Variants in MAF observed in about 807,000 individuals in gnomAD.
MAF encodes transcription factor Maf.
In MAF, 10 loss-of-function variants were observed where a neutral mutation model predicts 22.0. The ratio of observed to expected loss-of-function variants is 0.45; its 90% CI spans 0.28 to 0.77. The LOEUF is 0.77. Among genes scored for constraint, MAF ranks in the 30% least tolerant of loss-of-function variants. The pLI is 0.12. For missense variants in MAF, 544 were observed against 548.4 expected (o/e 0.99, Z 0.08); for synonymous variants, 337 against 255.8 (o/e 1.32, Z -3.03).
the MAF span, among the ~76,000 whole-genome samples, chr16:79,518,031 A>G: frequency 1.4e-3 from 212 of 152,330 alleles, 1 homozygote; most frequent in African/African-American, 4.9e-3. Flanking sequence ...TTAATCATAT[A>G]TATGAAAATG....
chr16:79,244,845 C>G, the MAF span, among the ~76,000 whole-genome samples: 1 of 152,022 alleles, frequency 6.6e-6, no homozygotes, highest in African/African-American at 2.4e-5. Context: ...AACAAAACAG[C>G]CTGGTACTGG....
At chr16:79,217,729 C>T in the MAF span, among the ~76,000 whole-genome samples, 6 of 152,158 alleles carry the variant, frequency 3.9e-5, no homozygotes, top group Admixed American at 2.0e-4. Context: ...CCAGTTTCCA[C>T]TTTCACACCT....
At chr16:79,485,593 G>C in the MAF span, among the ~76,000 whole-genome samples, 1 of 152,098 alleles carries the variant, frequency 6.6e-6, no homozygotes, top group African/African-American at 2.4e-5. Flanking sequence ...AGCACAAACT[G>C]ACAATCTGAG....
At chr16:79,529,319 G>C in the MAF span, among the ~76,000 whole-genome samples, 1 of 152,112 alleles carries the variant, frequency 6.6e-6, no homozygotes, top group Non-Finnish European at 1.5e-5. Context: ...TCTCTAGCTG[G>C]AAGTTGGCAA....
the MAF span, among the ~76,000 whole-genome samples, chr16:79,239,882 T>G: frequency 6.6e-6 from 1 of 151,968 alleles, no homozygotes. Flanking sequence ...GCCCTCAACT[T>G]TAGAAGCCTT....
chr16:79,414,849 G>A, the MAF span, among the ~76,000 whole-genome samples: 1 of 152,186 alleles, frequency 6.6e-6, no homozygotes, highest in African/African-American at 2.4e-5. Flanking sequence ...TGTAGGACCA[G>A]GGAACTCCTC....
At chr16:79,329,943 C>T in the MAF span, among the ~76,000 whole-genome samples, 5 of 150,430 alleles carry the variant, frequency 3.3e-5, no homozygotes, top group African/African-American at 1.2e-4. Flanking sequence ...ATACAATAAA[C>T]ATTAAGTCAT....
chr16:79,577,010 T>A, the MAF span, among the ~76,000 whole-genome samples: 1 of 152,238 alleles, frequency 6.6e-6, no homozygotes, highest in African/African-American at 2.4e-5. Flanking sequence ...GTGCACCTGA[T>A]ACTTTACACA....
the MAF span, among the ~76,000 whole-genome samples, chr16:79,535,155 G>A: frequency 6.6e-6 from 1 of 151,858 alleles, no homozygotes; most frequent in Non-Finnish European, 1.5e-5. Context: ...ACAAATCTCA[G>A]TGGCTTTAAC....
chr16:79,274,881 C>G, the MAF span, among the ~76,000 whole-genome samples: 2 of 152,122 alleles, frequency 1.3e-5, no homozygotes, highest in Non-Finnish European at 2.9e-5. Context: ...CTTTGGCATC[C>G]AGTTAGGATT....
the MAF span, among the ~76,000 whole-genome samples, chr16:79,392,661 G>A: frequency 6.6e-6 from 1 of 152,162 alleles, no homozygotes; most frequent in Non-Finnish European, 1.5e-5. Context: ...AAATGAACGA[G>A]GATTCAGATT....
the MAF span, among the ~76,000 whole-genome samples, chr16:79,408,462 C>T: frequency 1.3e-5 from 2 of 152,152 alleles, no homozygotes; most frequent in African/African-American, 4.8e-5. Flanking sequence ...AGGTGTGAGC[C>T]ACCGCACCCA....
the MAF span, among the ~76,000 whole-genome samples, chr16:79,267,282 G>A: frequency 3.3e-5 from 5 of 152,312 alleles, no homozygotes; most frequent in East Asian, 7.7e-4. Context: ...ACTCTATGGA[G>A]GGTCCAGCTA....
At chr16:79,438,695 C>G in the MAF span, among the ~76,000 whole-genome samples, 2 of 152,188 alleles carry the variant, frequency 1.3e-5, no homozygotes, top group Non-Finnish European at 2.9e-5. Context: ...TCTGCCTTCT[C>G]TTGGCACGGT....
chr16:79,329,898 G>A, the MAF span, among the ~76,000 whole-genome samples: 1 of 151,568 alleles, frequency 6.6e-6, no homozygotes, highest in African/African-American at 2.4e-5. Context: ...TGGTTATATG[G>A]TTAATATCCA....
At chr16:79,505,414 CA>C in the MAF span, among the ~76,000 whole-genome samples, 13 of 152,150 alleles carry the variant, frequency 8.5e-5, no homozygotes, top group South Asian at 1.2e-3. Context: ...AGTCACGGGA[CA>C]GGGGGGAAGC....
At chr16:79,394,970 T>C in the MAF span, among the ~76,000 whole-genome samples, 3 of 152,198 alleles carry the variant, frequency 2.0e-5, no homozygotes, top group African/African-American at 4.8e-5. Flanking sequence ...GCACAGAGCA[T>C]ATAGCACAGA....
intron 1 of MAF, chr16:79,596,473 A>G (rs988265474): frequency 2.8e-5 from 29 of 1,051,930 alleles, no homozygotes; most frequent in Non-Finnish European, 3.2e-5. Context: ...GAAACTGAGT[A>G]CAGAATCAAA....
At chr16:79,222,666 A>G in the MAF span, among the ~76,000 whole-genome samples, 3 of 152,206 alleles carry the variant, frequency 2.0e-5, no homozygotes, top group African/African-American at 7.2e-5. Context: ...GGCTCAAAAT[A>G]AAGAGATACA....
Sources: gnomAD v4.1 joint callset for allele counts (sites outside exome capture counted in the v4.1 genomes callset) on GRCh38, gnomAD v4.1.1 for gene constraint, MANE v1.5 for transcripts, NCBI Gene and HGNC (gene_info 2026-07-23, HGNC 2026-07-21) for gene names.